The following EFCAB12 variants were observed in gnomAD, a reference collection of about 807,000 sequenced individuals.
EFCAB12 encodes EF-hand calcium-binding domain-containing protein 12.
A neutral mutation model predicts 53.6 loss-of-function variants in EFCAB12; 43 were observed. The observed-to-expected ratio is 0.80, with a 90% CI of 0.63 to 1.03. EFCAB12 has a LOEUF of 1.03. Ranked by LOEUF, EFCAB12 falls within the 50% of genes least tolerant of loss-of-function variation. The pLI is 0.00. For synonymous variants in EFCAB12, 269 were observed against 289.2 expected, an observed-to-expected ratio of 0.93 and a Z score of 0.71; for missense variants, 646 against 730.6, an observed-to-expected ratio of 0.88 and a Z score of 1.34.
intron 8 of EFCAB12, 40 bp from the exon 9 acceptor site, chr3:129,401,891 A>G: frequency 1.3e-6 from 2 of 1,595,562 alleles, no homozygotes; most frequent in Non-Finnish European, 1.7e-6. Flanking sequence ...GTCATGGCAG[A>G]CAGGCCAGAG....
chr3:129,419,330 C>T (rs952855322), intron 2 of EFCAB12, among the ~76,000 whole-genome samples: 5 of 152,098 alleles, frequency 3.3e-5, no homozygotes, highest in Non-Finnish European at 7.4e-5. Flanking sequence ...ACAGGCATCA[C>T]CAGGAGTTCG....
chr3:129,409,074 C>T (rs943634686), intron 5 of EFCAB12, among the ~76,000 whole-genome samples: 4 of 152,174 alleles, frequency 2.6e-5, no homozygotes, highest in East Asian at 1.9e-4. Context: ...GCCCTGTAGA[C>T]GGGTGTGCAG....
chr3:129,428,014 C>T (rs2072292505), intron 1 of EFCAB12, among the ~76,000 whole-genome samples: 1 of 152,232 alleles, frequency 6.6e-6, no homozygotes, highest in Non-Finnish European at 1.5e-5. Context: ...ACACCTTTTA[C>T]TCCTGGGTGT....
chr3:129,411,190 T>C lies in EFCAB12; in HGVS notation c.1003A>G (p.Lys335Glu). Residue 335 changes from lysine (K) to glutamate (E), a missense_variant, in exon 5 of 9, where the codon AAG (lysine) becomes GAG (glutamate). Transcript: ENST00000505956. ...TGTCGCTGCCGCTCGCGGTACCGCT[T>C]GCCCACTTCCTCCATCTCCTCCAGG... is the stretch of plus-strand genomic sequence containing the variant. The part of the protein sequence containing the change: ...MTLEEMEEVG[K>E]RYRERQRQHK... The C allele has an allele frequency of 6.2e-7, 1 of 1,610,874 alleles. No homozygotes were observed. The highest frequency in any genetic ancestry group is 1.1e-5 in the South Asian group (1 of 90,682).
intron 4 of EFCAB12, chr3:129,411,738 T>C (rs2072043649): frequency 6.2e-6 from 1 of 161,076 alleles, no homozygotes; most frequent in African/African-American, 2.4e-5. Context: ...ATCGAGACCA[T>C]CCTGGCTAAC....
chr3:129,414,178 G>A (rs977255740), intron 4 of EFCAB12: 17 of 152,220 alleles, frequency 1.1e-4, no homozygotes, highest in African/African-American at 4.1e-4. Context: ...GACCCTGCTT[G>A]GGAGGTGATA....
intron 1 of EFCAB12, among the ~76,000 whole-genome samples, chr3:129,424,513 G>A (rs1344298526): frequency 2.0e-5 from 3 of 152,190 alleles, no homozygotes; most frequent in African/African-American, 2.4e-5. Context: ...TAAGTTTCCT[G>A]AGGCCTCCCC....
At chr3:129,417,341 C>CAAAAACAAAAAAAAAAAAAAAAAAAAAA (rs2072129970) in intron 3 of EFCAB12, among the ~76,000 whole-genome samples, 1 of 63,670 alleles carries the variant, frequency 1.6e-5, no homozygotes, top group Non-Finnish European at 3.7e-5. Flanking sequence ...AAAAAAAAAC[C>CAAAAACAAAAAAAAAAAAAAAAAAAAAA]AAAAAAAAAA....
intron 3 of EFCAB12, among the ~76,000 whole-genome samples, chr3:129,417,207 C>T (rs1258756011): frequency 2.6e-5 from 4 of 151,518 alleles, no homozygotes; most frequent in Admixed American, 2.6e-4. Flanking sequence ...CGCCTATAGT[C>T]CCAACTACTC....
chr3:129,421,259 C>T (rs1054874746), intron 2 of EFCAB12, 108 bp downstream of exon 2: 1 of 1,255,654 alleles, frequency 8.0e-7, no homozygotes, highest in African/African-American at 1.5e-5. Flanking sequence ...CTGTTTGCTC[C>T]TCTGTGAAAT....
At chr3:129,405,012 T>C (rs1559783301) in intron 6 of EFCAB12, among the ~76,000 whole-genome samples, 2 of 152,102 alleles carry the variant, frequency 1.3e-5, no homozygotes, top group Non-Finnish European at 2.9e-5. Flanking sequence ...TGGGTTCTTG[T>C]TATGATACCC....
rs76955103 is a variant in EFCAB12, at chr3:129,418,787, G to C, written c.487-339C>G. Among the ~76,000 whole-genome samples the C allele has an allele frequency of 3.8e-3, 575 of 152,170 alleles. 5 individuals carry two copies. The highest frequency in any genetic ancestry group is 0.014 in the African/African-American group (566 of 41,520). On this transcript the variant is annotated intron_variant, in intron 2 of 8. Transcript: ENST00000505956. ...GCACCAAAACCTATACCCTTCCCTG[G>C]AGCCAGGTGGAGACTCCCCATCCCC...
chr3:129,417,958 G>A (rs1262922193), intron 3 of EFCAB12, among the ~76,000 whole-genome samples: 3 of 152,298 alleles, frequency 2.0e-5, no homozygotes, highest in East Asian at 3.9e-4. Flanking sequence ...GTGCAAGACA[G>A]GGATTCTCCA....
At chr3:129,413,538 T>C (rs1014721633) in intron 4 of EFCAB12, 3 of 152,180 alleles carry the variant, frequency 2.0e-5, no homozygotes, top group Admixed American at 1.3e-4. Flanking sequence ...TGCAGAAAGA[T>C]GTATGGAAAC....
intron 6 of EFCAB12, among the ~76,000 whole-genome samples, chr3:129,408,072 C>T (rs546913962): frequency 1.3e-5 from 2 of 152,148 alleles, no homozygotes; most frequent in Non-Finnish European, 1.5e-5. Flanking sequence ...TGTATGAAAA[C>T]GTGTTTTCCA....
intron 4 of EFCAB12, chr3:129,414,724 T>C (rs2107739212): frequency 6.6e-6 from 1 of 152,480 alleles, no homozygotes; most frequent in Admixed American, 6.5e-5. Flanking sequence ...ACAAATGTAT[T>C]GCTTGGCAGA....
At chr3:129,424,014 C>G (rs749006205) in intron 1 of EFCAB12, among the ~76,000 whole-genome samples, 2 of 152,190 alleles carry the variant, frequency 1.3e-5, no homozygotes, top group African/African-American at 4.8e-5. Flanking sequence ...CATGGGCCCT[C>G]TGGGTCCCAT....
chr3:129,408,055 G>A (rs544660657), intron 6 of EFCAB12, among the ~76,000 whole-genome samples: 1 of 152,316 alleles, frequency 6.6e-6, no homozygotes, highest in South Asian at 2.1e-4. Context: ...GCTCAGACCA[G>A]CTTGGATGTA....
chr3:129,423,928 C>A (rs1406206309), intron 1 of EFCAB12, among the ~76,000 whole-genome samples: 4 of 152,192 alleles, frequency 2.6e-5, no homozygotes, highest in African/African-American at 9.7e-5. Flanking sequence ...CCCTGCTTCA[C>A]TTCTTGATCC....
Sources: allele counts gnomAD v4.1 joint callset (sites outside exome capture counted in the v4.1 genomes callset), GRCh38; gene constraint gnomAD v4.1.1; transcripts MANE v1.5; gene names NCBI Gene and HGNC (gene_info 2026-07-23, HGNC 2026-07-21).